The following MEMO1 variants were observed in gnomAD, a reference collection of about 807,000 sequenced individuals.
MEMO1 encodes the protein mediator of cell motility 1.
A neutral mutation model predicts 45.2 loss-of-function variants in MEMO1; 6 were observed. That is an observed-to-expected ratio of 0.13 (90% CI 0.07 to 0.26). The LOEUF (loss-of-function observed/expected upper bound fraction) is 0.26. Ranked by LOEUF, MEMO1 falls within the 10% of genes least tolerant of loss-of-function variation. The pLI is 1.00. For synonymous variants in MEMO1, 78 were observed against 124.3 expected, an observed-to-expected ratio of 0.63 and a Z score of 2.48; for missense variants, 184 against 370.5, an observed-to-expected ratio of 0.50 and a Z score of 4.13.
intron 2 of MEMO1, among the ~76,000 whole-genome samples, chr2:32,001,568 C>T (rs1673319335): frequency 6.6e-6 from 1 of 152,094 alleles, no homozygotes; most frequent in Non-Finnish European, 1.5e-5. Context: ...ATGGAAAGAA[C>T]AGTAGGCTTC....
chr2:31,945,068 T>C (rs182909439), intron 2 of MEMO1, among the ~76,000 whole-genome samples: 1 of 152,344 alleles, frequency 6.6e-6, no homozygotes, highest in African/African-American at 2.4e-5. Flanking sequence ...CTACTTTCAC[T>C]GTATATGTAT....
rs528589122 is a variant in MEMO1, at chr2:31,904,715, C to A, written c.438-12581G>T. 3.3e-5 allele frequency among the ~76,000 whole-genome samples: 5 copies of A among 152,264 alleles called. 1 individual carries two copies. The highest frequency in any genetic ancestry group is 2.6e-4 in the Admixed American group (4 of 15,292). Reference sequence around the variant, plus strand: ...TAACAGGCCACGGACCAGCTGAGGACCCCTGCTCTAGAGAATCGCCAAATG... The same window carrying A: ...TAACAGGCCACGGACCAGCTGAGGAACCCTGCTCTAGAGAATCGCCAAATG... On this transcript the variant is annotated intron_variant, in intron 6 of 9. Coordinates refer to ENST00000404530, the MANE Select transcript of MEMO1 (RefSeq NM_001301833.4).
chr2:31,950,538 G>C (rs1156854789), intron 2 of MEMO1, among the ~76,000 whole-genome samples: 2 of 151,848 alleles, frequency 1.3e-5, no homozygotes, highest in African/African-American at 2.4e-5. Context: ...GGCCAACATG[G>C]TGAAACCCCA....
chr2:31,914,077 T>C (rs1343138828), intron 6 of MEMO1, among the ~76,000 whole-genome samples: 7 of 152,280 alleles, frequency 4.6e-5, no homozygotes, highest in African/African-American at 1.4e-4. Flanking sequence ...CAGGCAGAGA[T>C]AGACGAGAAC....
intron 4 of MEMO1, among the ~76,000 whole-genome samples, chr2:31,929,034 C>G: frequency 6.6e-6 from 1 of 152,024 alleles, no homozygotes; most frequent in East Asian, 1.9e-4. Context: ...AAGTATTAAC[C>G]TGATATAGTC....
At chr2:31,926,224 T>C (rs929187120) in intron 4 of MEMO1, among the ~76,000 whole-genome samples, 5 of 151,842 alleles carry the variant, frequency 3.3e-5, no homozygotes, top group Non-Finnish European at 5.9e-5. Context: ...TTTTAAAAAA[T>C]AGCCAGGCAT....
chr2:31,916,842 T>A (rs758554475), intron 6 of MEMO1, among the ~76,000 whole-genome samples: 8 of 152,146 alleles, frequency 5.3e-5, no homozygotes, highest in Non-Finnish European at 1.0e-4. Context: ...ATACTTTGAA[T>A]ACAGAATTAG....
In MEMO1 at chr2:31,978,498, T is replaced by G. The variant is rs369787290; in HGVS notation, c.61+31689A>C. On this transcript the variant is annotated intron_variant, in intron 2 of 9. Coordinates refer to ENST00000404530, the MANE Select transcript of MEMO1 (RefSeq NM_001301833.4). Reference sequence around the variant, plus strand: ...GAGAATCCAGAAACTCATGCTGGAGTGCAGTGGCATGATCATCATAGCTCA... The same window carrying G: ...GAGAATCCAGAAACTCATGCTGGAGGGCAGTGGCATGATCATCATAGCTCA... Among the ~76,000 whole-genome samples the G allele has an allele frequency of 9.2e-5, 14 of 152,326 alleles. No individual in the cohort carries two copies. The East Asian group carries it at 1.5e-3, about 17-fold the overall frequency.
rs1017013287 is a variant in MEMO1 at position 32,010,124 on chromosome 2, G to T, written c.61+63C>A. 3 of 892,636 alleles carry T rather than the reference G, an allele frequency of 3.4e-6. No individual in the cohort carries two copies. In the African/African-American group the frequency reaches 5.5e-5, roughly 16 times the overall value. 55.3% of individuals were successfully genotyped at this position (892,636 alleles called of 1,614,324 possible). A position where few individuals can be genotyped will look rare whatever the true frequency, so the allele number is the denominator to read the frequency against. ...GCCGCGGGGCCGGGCCGCCGACCTC[G>T]GCCGGCCGGGCGTGGGGCCAGGCGG... On this transcript the variant is annotated intron_variant, in intron 2 of 9. Transcript: ENST00000404530.
chr2:31,875,976 C>T (rs1004411182), intron 8 of MEMO1, among the ~76,000 whole-genome samples: 6 of 152,050 alleles, frequency 3.9e-5, no homozygotes, highest in Non-Finnish European at 7.4e-5. Context: ...CATGAGCCAC[C>T]GCCCCCAGCC....
intron 2 of MEMO1, among the ~76,000 whole-genome samples, chr2:31,995,751 T>A (rs1287428718): frequency 1.3e-5 from 2 of 151,668 alleles, no homozygotes; most frequent in African/African-American, 4.8e-5. Flanking sequence ...AATTTCCAAA[T>A]TTTCTGAAAA....
Position 31,868,504 on chromosome 2 carries a change from A to G in MEMO1, c.763-12T>C, listed in dbSNP as rs77697395. ...AGCTCTGTGATAGCCTAGAAAAAAGAAAAATTTGGTTAGGACACACATCAC... is the reference window on the plus strand; with the variant it reads ...AGCTCTGTGATAGCCTAGAAAAAAGGAAAATTTGGTTAGGACACACATCAC... On this transcript the variant is annotated splice_polypyrimidine_tract_variant and intron_variant, in intron 9 of 9. Coordinates refer to ENST00000404530, the MANE Select transcript of MEMO1 (RefSeq NM_001301833.4). 94 of 1,591,258 alleles carry G rather than the reference A, an allele frequency of 5.9e-5. 2 individuals are homozygous for G. The East Asian group carries it at 2.1e-3, about 36-fold the overall frequency.
chr2:31,875,160 TA>T (rs1674380856), intron 8 of MEMO1, among the ~76,000 whole-genome samples: 1 of 152,084 alleles, frequency 6.6e-6, no homozygotes, highest in African/African-American at 2.4e-5. Context: ...AATCAAATAT[TA>T]AATTCAAGCA....
rs1010772150 is a variant in MEMO1, at chr2:31,994,117, C to T, written c.61+16070G>A. ...CTGGGATTACAGGCGTGCACCACCACGCCTGGCTAATTTTTGTATTTTTAG... is the reference window on the plus strand; with the variant it reads ...CTGGGATTACAGGCGTGCACCACCATGCCTGGCTAATTTTTGTATTTTTAG... On this transcript the variant is annotated intron_variant, in intron 2 of 9. Transcript: ENST00000404530. 5.3e-5 allele frequency among the ~76,000 whole-genome samples: 8 copies of T among 149,790 alleles called. No individual in the cohort carries two copies. In the South Asian group the frequency reaches 1.7e-3, roughly 32 times the overall value.
chr2:31,962,979 T>G (rs1486854377), intron 2 of MEMO1, among the ~76,000 whole-genome samples: 1 of 152,158 alleles, frequency 6.6e-6, no homozygotes, highest in Non-Finnish European at 1.5e-5. Flanking sequence ...AGGTTGACCC[T>G]CCCCCAAGTA....
At chr2:31,946,505 T>TA (rs1666213920) in intron 2 of MEMO1, among the ~76,000 whole-genome samples, 1 of 152,180 alleles carries the variant, frequency 6.6e-6, no homozygotes, top group African/African-American at 2.4e-5. Context: ...AAAAATAAGT[T>TA]ACGTGTCACA....
chr2:31,972,425 T>G (rs754094536), intron 2 of MEMO1, among the ~76,000 whole-genome samples: 1 of 152,116 alleles, frequency 6.6e-6, no homozygotes, highest in Non-Finnish European at 1.5e-5. Flanking sequence ...AAGAGAATAG[T>G]ATGGGCCGAA....
intron 3 of MEMO1, among the ~76,000 whole-genome samples, chr2:31,936,247 C>T (rs945271451): frequency 8.5e-5 from 13 of 152,172 alleles, no homozygotes; most frequent in Non-Finnish European, 1.5e-4. Flanking sequence ...CAGGCATGAG[C>T]CACCGCGCCT....
chr2:31,892,592 C>T (rs751252870), intron 6 of MEMO1, among the ~76,000 whole-genome samples: 39 of 152,294 alleles, frequency 2.6e-4, no homozygotes, highest in African/African-American at 9.4e-4. Context: ...CTGGCACTTG[C>T]TCTATAAACC....
Sources: allele counts gnomAD v4.1 joint callset (sites outside exome capture counted in the v4.1 genomes callset), GRCh38; gene constraint gnomAD v4.1.1; transcripts MANE v1.5; gene names NCBI Gene and HGNC (gene_info 2026-07-23, HGNC 2026-07-21).